The following ITGBL1 variants were observed in gnomAD, a reference collection of about 807,000 sequenced individuals.
The protein encoded by ITGBL1 is integrin subunit beta like 1, also known as integrin beta-like protein 1.
In ITGBL1, 51 loss-of-function variants were observed where a neutral mutation model predicts 68.5. The observed-to-expected ratio is 0.74, with a 90% CI of 0.59 to 0.94. ITGBL1 has a LOEUF of 0.94. Ranked by LOEUF, ITGBL1 falls within the 40% of genes least tolerant of loss-of-function variation. The probability of loss-of-function intolerance (pLI) is 0.00; values close to 1 mark genes in which losing one functional copy is unlikely to be tolerated. For missense variants in ITGBL1, 649 were observed against 647.4 expected (o/e 1.00, Z -0.03); for synonymous variants, 209 against 227.3 (o/e 0.92, Z 0.72).
chr13:101,462,377 G>A (rs1290475499), intron 2 of ITGBL1, among the ~76,000 whole-genome samples: 1 of 152,162 alleles, frequency 6.6e-6, no homozygotes, highest in Non-Finnish European at 1.5e-5. Flanking sequence ...GCAAGGGTAT[G>A]GCTATCTTTG....
At position 101,692,658 on chromosome 13, in the gene ITGBL1, T is replaced by C. The variant is rs771174048; in HGVS notation, c.1089T>C (p.Cys363=). 6.2e-7 allele frequency: 1 copy of C among 1,613,788 alleles called. No homozygotes were observed. The change falls in exon 8 of 11, where the codon TGT becomes TGC. Residue 363 remains cysteine, a synonymous_variant. Transcript: ENST00000376180. The part of the protein sequence containing the change: ...DRRVYGKTCE[C]DDRRCEDLDG... Reference sequence around the variant, plus strand: ...GGGTGTATGGCAAGACTTGTGAGTGTGATGATCGCCGCTGTGAAGACCTCG... The same window carrying C: ...GGGTGTATGGCAAGACTTGTGAGTGCGATGATCGCCGCTGTGAAGACCTCG...
At chr13:101,649,825 A>G (rs2032685081) in intron 7 of ITGBL1, among the ~76,000 whole-genome samples, 1 of 152,230 alleles carries the variant, frequency 6.6e-6, no homozygotes, top group Non-Finnish European at 1.5e-5. Context: ...GGACACGTCT[A>G]GATTCCTTTC....
intron 7 of ITGBL1, among the ~76,000 whole-genome samples, chr13:101,655,117 T>C (rs1271175384): frequency 6.6e-6 from 1 of 152,080 alleles, no homozygotes; most frequent in African/African-American, 2.4e-5. Flanking sequence ...GAGGTGAAAG[T>C]GATGCAAGGA....
intron 7 of ITGBL1, among the ~76,000 whole-genome samples, chr13:101,687,566 T>C (rs148425363): frequency 0.011 from 1,687 of 152,172 alleles, 27 homozygotes; most frequent in African/African-American, 0.038. Context: ...GATCGGAACT[T>C]CTAAAAATCT....
At chr13:101,644,759 A>G (rs1194867802) in intron 7 of ITGBL1, among the ~76,000 whole-genome samples, 2 of 152,154 alleles carry the variant, frequency 1.3e-5, no homozygotes, top group African/African-American at 2.4e-5. Context: ...GATGAGTAAT[A>G]TTTACTCATT....
intron 2 of ITGBL1, among the ~76,000 whole-genome samples, chr13:101,497,387 C>T (rs138840308): frequency 6.6e-6 from 1 of 152,100 alleles, no homozygotes; most frequent in Non-Finnish European, 1.5e-5. Context: ...GAGTAGCAGG[C>T]GATGGAGCCA....
intron 2 of ITGBL1, among the ~76,000 whole-genome samples, chr13:101,493,643 C>T (rs890252051): frequency 6.6e-6 from 1 of 152,170 alleles, no homozygotes; most frequent in African/African-American, 2.4e-5. Flanking sequence ...CACATCTGTC[C>T]TCCCATTCAC....
intron 8 of ITGBL1, among the ~76,000 whole-genome samples, chr13:101,701,344 C>T (rs2034131725): frequency 6.6e-6 from 1 of 152,006 alleles, no homozygotes; most frequent in South Asian, 2.1e-4. Flanking sequence ...ACCATCCTGG[C>T]CAACACAGTA....
intron 2 of ITGBL1, among the ~76,000 whole-genome samples, chr13:101,498,075 C>G (rs2048883492): frequency 1.3e-5 from 2 of 151,978 alleles, no homozygotes; most frequent in African/African-American, 2.4e-5. Context: ...TTTGGTACTC[C>G]TGGTATGCAC....
chr13:101,715,689 T>G lies in ITGBL1; in HGVS notation c.*35T>G. ...GAGAGAGGTCTGGATTCTTATTTTTTCTGGGCCATTAGAACAGATAAATGC... is the reference window on the plus strand; with the variant it reads ...GAGAGAGGTCTGGATTCTTATTTTTGCTGGGCCATTAGAACAGATAAATGC... On this transcript the variant is annotated 3_prime_UTR_variant, in exon 11 of 11. Coordinates refer to ENST00000376180, the MANE Select transcript of ITGBL1 (RefSeq NM_004791.3). 7.1e-7 allele frequency: 1 copy of G among 1,412,304 alleles called. No homozygotes were observed. Among genetic ancestry groups the G allele is most frequent in the Non-Finnish European group, 1.0e-6 (1 of 995,970 alleles). 87.5% of individuals were successfully genotyped at this position (1,412,304 alleles called of 1,614,324 possible). A position where few individuals can be genotyped will look rare whatever the true frequency, so the allele number is the denominator to read the frequency against.
At chr13:101,711,804 A>T (rs1416204402) in intron 9 of ITGBL1, 1 of 152,256 alleles carries the variant, frequency 6.6e-6, no homozygotes, top group Admixed American at 6.5e-5. Context: ...AGATGGGAAC[A>T]TTCTCAAGGG....
intron 10 of ITGBL1, chr13:101,714,967 G>C (rs1040891493): frequency 4.2e-5 from 8 of 190,774 alleles, no homozygotes; most frequent in African/African-American, 1.9e-4. Flanking sequence ...CTGGATGTGT[G>C]TATGGGGGAG....
intron 2 of ITGBL1, among the ~76,000 whole-genome samples, chr13:101,502,983 C>T (rs549787730): frequency 1.5e-4 from 23 of 152,290 alleles, no homozygotes; most frequent in African/African-American, 3.4e-4. Flanking sequence ...CTAATTCAAA[C>T]GCAGTGCTCT....
chr13:101,711,783 G>A (rs1164163918), intron 9 of ITGBL1: 1 of 152,236 alleles, frequency 6.6e-6, no homozygotes, highest in Non-Finnish European at 1.5e-5. Context: ...CAGCAAAAAT[G>A]CACAGAAGGG....
chr13:101,637,543 T>C (rs141787269), intron 7 of ITGBL1, among the ~76,000 whole-genome samples: 10 of 152,062 alleles, frequency 6.6e-5, no homozygotes, highest in South Asian at 4.2e-4. Flanking sequence ...TGGGGTTTCA[T>C]TGTGTTAGTC....
intron 6 of ITGBL1, 61 bp downstream of exon 6, chr13:101,583,417 A>G: frequency 2.0e-6 from 2 of 989,542 alleles, no homozygotes; most frequent in Non-Finnish European, 2.7e-6. Context: ...TAATGGGTAA[A>G]AAAAAAAAAA....
At chr13:101,560,721 G>A (rs2050085961) in intron 2 of ITGBL1, among the ~76,000 whole-genome samples, 1 of 152,098 alleles carries the variant, frequency 6.6e-6, no homozygotes, top group Non-Finnish European at 1.5e-5. Context: ...ATTCCAAGTG[G>A]TTAAGAAGAC....
intron 4 of ITGBL1, 143 bp from the exon 5 acceptor site, chr13:101,579,144 G>A (rs561559366): frequency 1.1e-5 from 9 of 839,602 alleles, no homozygotes; most frequent in African/African-American, 1.0e-4. Context: ...GGAGAAAGCT[G>A]TATAATTTGA....
downstream of ITGBL1, chr13:101,718,791 A>AC (rs1402991696): frequency 1.3e-5 from 2 of 152,030 alleles, no homozygotes; most frequent in African/African-American, 4.8e-5. Context: ...GAAAAAAAAA[A>AC]AAAACTAAAA....
Sources: allele counts gnomAD v4.1 joint callset (sites outside exome capture counted in the v4.1 genomes callset), GRCh38; gene constraint gnomAD v4.1.1; transcripts MANE v1.5; gene names NCBI Gene and HGNC (gene_info 2026-07-23, HGNC 2026-07-21).